NDUFA7: variants seen among roughly 807,000 people sequenced by gnomAD.
NDUFA7 encodes NADH dehydrogenase [ubiquinone] 1 alpha subcomplex subunit 7.
Under a neutral mutation model 14.2 loss-of-function variants are expected in NDUFA7, and 18 were observed. The observed-to-expected ratio is 1.27, with a 90% CI of 0.88 to 1.88. The LOEUF is 1.88. Among genes scored for constraint, NDUFA7 ranks in the 40% most tolerant of loss-of-function variants. NDUFA7 has a pLI of 0.00. For synonymous variants in NDUFA7, 75 were observed against 62.1 expected, an observed-to-expected ratio of 1.21 and a Z score of -0.98; for missense variants, 172 against 147.3, an observed-to-expected ratio of 1.17 and a Z score of -0.87.
At chr19:8,315,110 T>C (rs984497268) in intron 3 of NDUFA7, among the ~76,000 whole-genome samples, 1 of 152,146 alleles carries the variant, frequency 6.6e-6, no homozygotes, top group Non-Finnish European at 1.5e-5. Flanking sequence ...CACCACTCCC[T>C]AATCTCAAGT....
chr19:8,308,798 C>CTTG, downstream of NDUFA7: 1 of 170,064 alleles, frequency 5.9e-6, no homozygotes, highest in South Asian at 1.3e-4. Context: ...CAGGATCTGA[C>CTTG]ACATAGTGCT....
chr19:8,309,819 A>G (rs36263), downstream of NDUFA7, among the ~76,000 whole-genome samples: 2,914 of 151,798 alleles, frequency 0.019, 106 homozygotes, highest in East Asian at 0.15. Context: ...AAGCCATGAC[A>G]CTCCCCTGCG....
intron 3 of NDUFA7, among the ~76,000 whole-genome samples, chr19:8,315,595 A>G (rs1970223514): frequency 1.3e-5 from 2 of 152,072 alleles, no homozygotes; most frequent in Admixed American, 1.3e-4. Flanking sequence ...CTATTATCCT[A>G]TGATCCTGCC....
chr19:8,321,134 G>A lies in NDUFA7; in HGVS notation c.51+174C>T, dbSNP rs1970302428. 6.5e-6 allele frequency: 6 copies of A among 924,172 alleles called. No individual in the cohort carries two copies. In the South Asian group the frequency reaches 1.0e-4, roughly 16 times the overall value. The allele number at this position is 924,172 out of a possible 1,614,324, so 57.2% of individuals were successfully genotyped here. Reference sequence around the variant, plus strand: ...GACTGGGGAAATCCCAGGCCTGAGTGGTTCCCAGGCCAGGAGAGGGTCCCG... The same window carrying A: ...GACTGGGGAAATCCCAGGCCTGAGTAGTTCCCAGGCCAGGAGAGGGTCCCG... On this transcript the variant is annotated intron_variant, in intron 1 of 3. Coordinates refer to ENST00000301457, the MANE Select transcript of NDUFA7 (RefSeq NM_005001.5).
Position 8,311,289 on chromosome 19 carries a change from C to T in NDUFA7, c.*216G>A, listed in dbSNP as rs774187726. 4 of 362,110 alleles carry T rather than the reference C, an allele frequency of 1.1e-5. No individual in the cohort carries two copies. The highest frequency in any genetic ancestry group is 2.0e-5 in the Non-Finnish European group (4 of 197,206). 22.4% of individuals were successfully genotyped at this position (362,110 alleles called of 1,614,324 possible). A position where few individuals can be genotyped will look rare whatever the true frequency, so the allele number is the denominator to read the frequency against. On this transcript the variant is annotated 3_prime_UTR_variant, in exon 4 of 4. Coordinates refer to ENST00000301457, the MANE Select transcript of NDUFA7 (RefSeq NM_005001.5). ...GTGTGGTGGCTCATGCCTGTAATCC[C>T]AGCACTTTGGGAGGTCAAGGCAGGA...
At chr19:8,311,721 G>A in intron 3 of NDUFA7, 126 bp from the exon 4 acceptor site, 1 of 713,696 alleles carries the variant, frequency 1.4e-6, no homozygotes, top group Non-Finnish European at 2.3e-6. Flanking sequence ...ACAGACAGCA[G>A]GGTGTTCCAG....
Position 8,316,530 on chromosome 19 carries a change from G to A in NDUFA7, c.217C>T (p.Gln73Ter), listed in dbSNP as rs756602427. Residue 73 changes from glutamine (Q) to a stop codon, truncating the protein, a stop_gained, in exon 3 of 4, where the codon CAG becomes TAG. Transcript: ENST00000301457. LOFTEE classifies it high-confidence loss of function. ...SVPPSIIMSS[Q>*]KALVSGKPAE... Reference sequence around the variant, plus strand: ...GGCTTGCCTGACACCAGCGCCTTCTGCGACGACATGATGATGGAAGGGGGC... The same window carrying A: ...GGCTTGCCTGACACCAGCGCCTTCTACGACGACATGATGATGGAAGGGGGC... 2.5e-6 allele frequency: 4 copies of A among 1,614,088 alleles called. No individual in the cohort carries two copies. Among genetic ancestry groups the A allele is most frequent in the Non-Finnish European group, 1.7e-6 (2 of 1,180,020 alleles).
intron 2 of NDUFA7, among the ~76,000 whole-genome samples, chr19:8,318,902 C>G (rs886900204): frequency 1.3e-5 from 2 of 148,606 alleles, no homozygotes; most frequent in African/African-American, 2.5e-5. Context: ...ACCCGGGAGG[C>G]GGAGATTGCA....
intron 2 of NDUFA7, 63 bp downstream of exon 2, chr19:8,320,794 G>T (rs1435844627): frequency 8.8e-5 from 141 of 1,594,312 alleles, no homozygotes; most frequent in Non-Finnish European, 1.2e-4. Context: ...AAGGAACACA[G>T]ATTTCGTTTT....
intron 1 of NDUFA7, 31 bp downstream of exon 1, chr19:8,321,277 C>T: frequency 6.5e-7 from 1 of 1,531,524 alleles, no homozygotes; most frequent in Non-Finnish European, 8.8e-7. Context: ...CCCGAAGCCC[C>T]CCATGGTGCA....
chr19:8,320,870 C>T lies in NDUFA7; in HGVS notation c.88G>A (p.Glu30Lys), dbSNP rs200548169. The change falls in exon 2 of 4, where the codon GAG (glutamate) becomes AAG (lysine). Residue 30 changes from glutamate to lysine, a missense_variant. Glu to Lys is a moderately conservative substitution (Grantham distance 56, BLOSUM62 1). Transcript: ENST00000301457. ...GGGCCTGCTCACCGCTTGGAGATCTCCTGGTAGCGTAGCTGCAGCTTCCCC... is the reference window on the plus strand; with the variant it reads ...GGGCCTGCTCACCGCTTGGAGATCTTCTGGTAGCGTAGCTGCAGCTTCCCC... ...LQGKLQLRYQ[E>K]ISKRTQPPPK... 369 of 1,613,596 alleles carry T rather than the reference C, an allele frequency of 2.3e-4. No individual in the cohort carries two copies. The highest frequency in any genetic ancestry group is 2.9e-4 in the Non-Finnish European group (345 of 1,180,016).
At chr19:8,315,285 G>T (rs1032379582) in intron 3 of NDUFA7, among the ~76,000 whole-genome samples, 12 of 152,158 alleles carry the variant, frequency 7.9e-5, no homozygotes, top group Non-Finnish European at 1.6e-4. Context: ...CTGTGATGAG[G>T]AGGATTAGTA....
downstream of NDUFA7, chr19:8,308,670 C>T: frequency 3.5e-6 from 1 of 284,478 alleles, no homozygotes. Context: ...CATCCCACTG[C>T]TTTTGTGGCG....
chr19:8,308,985 C>A (rs1349726903), downstream of NDUFA7: 2 of 151,534 alleles, frequency 1.3e-5, no homozygotes, highest in Non-Finnish European at 2.9e-5. Flanking sequence ...TTTTGGGAAG[C>A]AGAGGCGGGC....
chr19:8,316,093 G>A (rs1232225708), intron 3 of NDUFA7, among the ~76,000 whole-genome samples: 1 of 141,066 alleles, frequency 7.1e-6, no homozygotes, highest in Non-Finnish European at 1.5e-5. Flanking sequence ...AGATTGCAGT[G>A]AGCCGAGATC....
At chr19:8,320,984 T>C in intron 1 of NDUFA7, 78 bp from the exon 2 acceptor site, 1 of 1,534,340 alleles carries the variant, frequency 6.5e-7, no homozygotes, top group South Asian at 1.1e-5. Context: ...GGACCAGGGA[T>C]GGTCCGGGGA....
At chr19:8,320,944 A>G (rs1454931756) in intron 1 of NDUFA7, 38 bp from the exon 2 acceptor site, 1 of 1,611,850 alleles carries the variant, frequency 6.2e-7, no homozygotes, top group Non-Finnish European at 8.5e-7. Context: ...CCTGCAAGGC[A>G]CCCCAGGAGA....
intron 3 of NDUFA7, among the ~76,000 whole-genome samples, chr19:8,313,180 CGA>C (rs1446477698): frequency 6.6e-6 from 1 of 151,950 alleles, no homozygotes; most frequent in Non-Finnish European, 1.5e-5. Flanking sequence ...CTCAGCTTCC[CGA>C]GTCACTGGGA....
chr19:8,316,994 G>A (rs767023222), intron 2 of NDUFA7, among the ~76,000 whole-genome samples: 5 of 152,136 alleles, frequency 3.3e-5, no homozygotes, highest in Non-Finnish European at 4.4e-5. Flanking sequence ...AGCCTCACTT[G>A]ACTTTGTCCA....
Sources: gnomAD v4.1 joint callset for allele counts (sites outside exome capture counted in the v4.1 genomes callset) on GRCh38, gnomAD v4.1.1 for gene constraint, MANE v1.5 for transcripts, NCBI Gene and HGNC (gene_info 2026-07-23, HGNC 2026-07-21) for gene names.